TENM3: variants seen among roughly 807,000 people sequenced by gnomAD.
TENM3 encodes teneurin transmembrane protein 3.
Under a neutral mutation model 255.1 loss-of-function variants are expected in TENM3, and 63 were observed. The ratio of observed to expected loss-of-function variants is 0.25; its 90% confidence interval spans 0.20 to 0.30. The LOEUF is 0.30. TENM3 is among the 10% of genes least tolerant of loss of function. TENM3 has a pLI of 1.00. For missense variants in TENM3, 2,929 were observed against 3,461.1 expected (o/e 0.85, Z 3.86); for synonymous variants, 1,306 against 1,322.3 (o/e 0.99, Z 0.27).
chr4:181,665,016 A>G, the TENM3 span, among the ~76,000 whole-genome samples: 1 of 152,224 alleles, frequency 6.6e-6, no homozygotes, highest in South Asian at 2.1e-4. Context: ...ACCCAAGTCA[A>G]CTTTATTAGG....
At chr4:182,245,655 T>G (rs982303591) in intron 1 of TENM3, among the ~76,000 whole-genome samples, 33 of 152,288 alleles carry the variant, frequency 2.2e-4, no homozygotes, top group African/African-American at 7.7e-4. Flanking sequence ...CCAGAATCTT[T>G]TGGAACCAGT....
chr4:181,947,895 A>T, the TENM3 span, among the ~76,000 whole-genome samples: 1 of 152,100 alleles, frequency 6.6e-6, no homozygotes. Context: ...ATCTGATACC[A>T]CCCCAAAGAG....
chr4:182,272,456 C>G (rs1759706818), intron 1 of TENM3, among the ~76,000 whole-genome samples: 1 of 152,098 alleles, frequency 6.6e-6, no homozygotes, highest in Non-Finnish European at 1.5e-5. Context: ...GCAAATCTTC[C>G]GAGAGGCCAG....
At chr4:181,634,518 T>C in the TENM3 span, among the ~76,000 whole-genome samples, 1 of 152,082 alleles carries the variant, frequency 6.6e-6, no homozygotes, top group East Asian at 1.9e-4. Context: ...AGTTTTCCTA[T>C]GTATTTTGTA....
chr4:181,855,098 GT>G, the TENM3 span, among the ~76,000 whole-genome samples: 1 of 152,246 alleles, frequency 6.6e-6, no homozygotes, highest in East Asian at 1.9e-4. Flanking sequence ...GTGAAATAAC[GT>G]TGATGCAATA....
rs779533036 is a variant in TENM3, at chr4:182,728,955, C to CT, written c.2369-9dup. On this transcript the variant is annotated splice_polypyrimidine_tract_variant and intron_variant, in intron 13 of 27. Transcript: ENST00000511685. ...AAAATTCTCTTACTGGGGAACATTT[C>CT]TCTCTACAGATGGACTCATTGACTG... The CT allele has an allele frequency of 6.2e-7, 1 of 1,610,938 alleles. No individual in the cohort carries two copies. The highest frequency in any genetic ancestry group is 8.5e-7 in the Non-Finnish European group (1 of 1,177,592).
intron 14 of TENM3, 28 bp from the exon 15 acceptor site, chr4:182,730,172 C>A: frequency 1.2e-6 from 2 of 1,612,674 alleles, no homozygotes; most frequent in South Asian, 1.1e-5. Flanking sequence ...GACAGATGTT[C>A]ATTCTCATTC....
the TENM3 span, among the ~76,000 whole-genome samples, chr4:181,455,286 T>C: frequency 1.3e-5 from 2 of 152,048 alleles, no homozygotes; most frequent in Non-Finnish European, 2.9e-5. Flanking sequence ...TAAGTGCTGT[T>C]TTTTGTTACA....
chr4:182,025,020 A>ATTTTTTTTTTTTTTTTT, the TENM3 span, among the ~76,000 whole-genome samples: 18 of 121,108 alleles, frequency 1.5e-4, no homozygotes, highest in African/African-American at 5.4e-4. Flanking sequence ...ACAGGATTTC[A>ATTTTTTTTTTTTTTTTT]TTTTTTTTTT....
chr4:181,871,041 T>C, the TENM3 span, among the ~76,000 whole-genome samples: 3,306 of 152,168 alleles, frequency 0.022, 60 homozygotes, highest in Non-Finnish European at 0.034. Flanking sequence ...TCAAATTGAA[T>C]AGCTTTTGAA....
At chr4:181,743,772 G>A in the TENM3 span, among the ~76,000 whole-genome samples, 1 of 152,072 alleles carries the variant, frequency 6.6e-6, no homozygotes, top group Admixed American at 6.6e-5. Context: ...GAATTTTGGA[G>A]GACTTTGAGG....
In TENM3 at chr4:182,416,110, GAAT is replaced by G. The variant is rs1770341334; in HGVS notation, c.511+69186_511+69188del. On this transcript the variant is annotated intron_variant, in intron 3 of 27. Coordinates refer to ENST00000511685, the MANE Select transcript of TENM3 (RefSeq NM_001080477.4). ...GTTGCTATAATATTTGTGAAAATTTGAATAATATGGGAAATGGGTAGTCTTAAT... is the reference window on the plus strand; with the variant it reads ...GTTGCTATAATATTTGTGAAAATTTGAATATGGGAAATGGGTAGTCTTAAT... Among the ~76,000 whole-genome samples, 3 of 152,226 alleles carry G rather than the reference GAAT, an allele frequency of 2.0e-5. No individual in the cohort carries two copies. The South Asian group carries it at 6.2e-4, about 32-fold the overall frequency.
intron 13 of TENM3, among the ~76,000 whole-genome samples, chr4:182,715,094 G>A (rs1034265480): frequency 2.6e-5 from 4 of 152,200 alleles, no homozygotes; most frequent in African/African-American, 9.7e-5. Context: ...ATGTTGGTCA[G>A]GCTGGTCCCA....
the TENM3 span, among the ~76,000 whole-genome samples, chr4:181,911,028 T>A: frequency 6.6e-6 from 1 of 152,168 alleles, no homozygotes; most frequent in African/African-American, 2.4e-5. Flanking sequence ...GTGATTAGGA[T>A]CAAAAGGTAT....
At chr4:181,844,421 C>T in the TENM3 span, among the ~76,000 whole-genome samples, 3,209 of 152,136 alleles carry the variant, frequency 0.021, 129 homozygotes, top group African/African-American at 0.074. Flanking sequence ...GTAATCCCAG[C>T]ACTTTGAGAG....
chr4:182,038,854 C>G, the TENM3 span, among the ~76,000 whole-genome samples: 2 of 152,140 alleles, frequency 1.3e-5, no homozygotes, highest in East Asian at 3.9e-4. Flanking sequence ...CTGCCTCAGG[C>G]TCCCGAGTAG....
At position 182,442,485 on chromosome 4, in the gene TENM3, C is replaced by T. The variant is rs1463213253; in HGVS notation, c.511+95556C>T. Among the ~76,000 whole-genome samples, 3 of 152,294 alleles carry T rather than the reference C, an allele frequency of 2.0e-5. No individual in the cohort carries two copies. The East Asian group carries it at 5.8e-4, about 29-fold the overall frequency. On this transcript the variant is annotated intron_variant, in intron 3 of 27. Coordinates refer to ENST00000511685, the MANE Select transcript of TENM3 (RefSeq NM_001080477.4). ...CTGACAACACCACTGCACTAGTCACCAATGAATAATTCTTCCTTTCTAAAC... is the reference window on the plus strand; with the variant it reads ...CTGACAACACCACTGCACTAGTCACTAATGAATAATTCTTCCTTTCTAAAC...
chr4:181,600,388 A>G, the TENM3 span, among the ~76,000 whole-genome samples: 1 of 152,110 alleles, frequency 6.6e-6, no homozygotes, highest in Non-Finnish European at 1.5e-5. Flanking sequence ...TGCTGCAACC[A>G]CTGCCCCAGT....
chr4:182,678,830 G>C (rs1755861029), intron 7 of TENM3, among the ~76,000 whole-genome samples: 1 of 152,232 alleles, frequency 6.6e-6, no homozygotes, highest in African/African-American at 2.4e-5. Context: ...TGGAACTGGA[G>C]CTCATTGTGT....
Sources: allele counts gnomAD v4.1 joint callset (sites outside exome capture counted in the v4.1 genomes callset), GRCh38; gene constraint gnomAD v4.1.1; transcripts MANE v1.5; gene names NCBI Gene and HGNC (gene_info 2026-07-23, HGNC 2026-07-21).